The following FER1L6 variants were observed in gnomAD, a reference collection of about 807,000 sequenced individuals.
The protein encoded by FER1L6 is fer-1 like family member 6.
FER1L6 carries 177 observed loss-of-function variants against 219.2 expected under a neutral mutation model. The observed-to-expected ratio is 0.81, with a 90% CI of 0.71 to 0.91. The LOEUF (loss-of-function observed/expected upper bound fraction) is 0.91. Among genes scored for constraint, FER1L6 ranks in the 40% least tolerant of loss-of-function variants. The pLI, the probability that FER1L6 is intolerant of heterozygous loss-of-function variation, is 0.00. For missense variants in FER1L6, 2,153 were observed against 2,259.9 expected (o/e 0.95, Z 0.96); for synonymous variants, 768 against 824.3 (o/e 0.93, Z 1.17).
rs142836482 is a variant in FER1L6, at chr8:123,951,295, C to A, written c.-7-4697C>A. Among the ~76,000 whole-genome samples the A allele has an allele frequency of 2.4e-4, 37 of 152,112 alleles. 1 individual carries two copies. The East Asian group carries it at 6.4e-3, about 26-fold the overall frequency. On this transcript the variant is annotated intron_variant, in intron 1 of 40. Transcript: ENST00000522917. The stretch of plus-strand genomic sequence containing the variant: ...GTGGGGCACAGTTTTAGAAAGCTAC[C>A]CCCATATGGATTAGATGTGTAGCCA...
At chr8:124,097,088 TATATATAC>T (rs68150814) in intron 35 of FER1L6, among the ~76,000 whole-genome samples, 175 bp from the exon 36 acceptor site, 108,121 of 143,332 alleles carry the variant, frequency 0.75, 40,457 homozygotes, top group Non-Finnish European at 0.81. Context: ...TATATATATA[TATATATAC>T]ATACATACAT....
In FER1L6 at chr8:124,070,554, G is replaced by C. The variant is rs750693223; in HGVS notation, c.3922G>C (p.Asp1308His). 6.2e-7 allele frequency: 1 copy of C among 1,610,304 alleles called. No homozygotes were observed. Among genetic ancestry groups the C allele is most frequent in the Admixed American group, 1.7e-5 (1 of 59,098 alleles). ...FELFRGKSTE[D>H]DHGLDGDRVI... Reference sequence around the variant, plus strand: ...GCTCTTCAGAGGCAAGTCTACGGAAGATGACCATGGTCTTGATGGAGACCG... The same window carrying C: ...GCTCTTCAGAGGCAAGTCTACGGAACATGACCATGGTCTTGATGGAGACCG... The change falls in exon 30 of 41, where the codon GAT becomes CAT. Residue 1308 changes from aspartate (D) to histidine (H), a missense_variant. Transcript: ENST00000522917.
intron 1 of FER1L6, among the ~76,000 whole-genome samples, chr8:123,889,595 A>G (rs34793355): frequency 6.6e-6 from 1 of 152,144 alleles, no homozygotes; most frequent in South Asian, 2.1e-4. Flanking sequence ...AGAAATAAGT[A>G]TTAGATACAT....
intron 1 of FER1L6, among the ~76,000 whole-genome samples, chr8:123,953,799 C>A (rs577980195): frequency 3.4e-4 from 52 of 152,328 alleles, no homozygotes; most frequent in African/African-American, 1.2e-3. Flanking sequence ...TTGAACTGCT[C>A]ATGGCAGGGG....
At chr8:123,870,034 A>C (rs975391632) in intron 1 of FER1L6, among the ~76,000 whole-genome samples, 1 of 152,260 alleles carries the variant, frequency 6.6e-6, no homozygotes, top group Non-Finnish European at 1.5e-5. Flanking sequence ...TTGGATGGCA[A>C]GTAAGCATAT....
At chr8:123,933,078 G>A (rs776719276) in intron 1 of FER1L6, among the ~76,000 whole-genome samples, 3 of 152,180 alleles carry the variant, frequency 2.0e-5, no homozygotes, top group Non-Finnish European at 4.4e-5. Flanking sequence ...TGGTGTGTCC[G>A]AGGGTTTCTT....
chr8:124,052,437 G>A (rs1158211020), intron 22 of FER1L6, among the ~76,000 whole-genome samples: 3 of 152,116 alleles, frequency 2.0e-5, no homozygotes, highest in African/African-American at 4.8e-5. Flanking sequence ...ATTTCCCAAA[G>A]TCTACCTCTT....
intron 1 of FER1L6, among the ~76,000 whole-genome samples, chr8:123,951,138 C>G (rs1429659639): frequency 1.3e-5 from 2 of 152,146 alleles, no homozygotes; most frequent in Non-Finnish European, 2.9e-5. Flanking sequence ...CTCATTGGTA[C>G]TGTCTACTTA....
chr8:124,074,757 T>C lies in FER1L6; in HGVS notation c.4093-1441T>C, dbSNP rs188349998. On this transcript the variant is annotated intron_variant, in intron 31 of 40. Coordinates refer to ENST00000522917, the MANE Select transcript of FER1L6 (RefSeq NM_001039112.2). The stretch of plus-strand genomic sequence containing the variant: ...AGGCTGTTTCAGTGCTGTGCAAGTG[T>C]CATACTGTATTTACACAAACCTAGA... 2.0e-5 allele frequency among the ~76,000 whole-genome samples: 3 copies of C among 152,230 alleles called. No homozygotes were observed. In the East Asian group the frequency reaches 5.8e-4, roughly 29 times the overall value.
At chr8:123,956,963 A>C (rs866079082) in intron 2 of FER1L6, among the ~76,000 whole-genome samples, 1 of 152,320 alleles carries the variant, frequency 6.6e-6, no homozygotes, top group South Asian at 2.1e-4. Flanking sequence ...TATTGAATTA[A>C]ATTGGATCAG....
chr8:123,909,220 C>T (rs2129762323), intron 1 of FER1L6, among the ~76,000 whole-genome samples: 1 of 152,086 alleles, frequency 6.6e-6, no homozygotes, highest in Non-Finnish European at 1.5e-5. Flanking sequence ...GAGAAAGCTG[C>T]AAGCCAAGCT....
intron 12 of FER1L6, among the ~76,000 whole-genome samples, chr8:123,987,293 G>A (rs1400802977): frequency 6.6e-6 from 1 of 152,134 alleles, no homozygotes; most frequent in Admixed American, 6.5e-5. Flanking sequence ...CTTTTCATAT[G>A]CTTGTTTGCC....
chr8:123,890,464 TA>T (rs1425557989), intron 1 of FER1L6, among the ~76,000 whole-genome samples: 1 of 151,760 alleles, frequency 6.6e-6, no homozygotes, highest in Non-Finnish European at 1.5e-5. Context: ...ATTGATGTTT[TA>T]AAGTTTTTAT....
intron 5 of FER1L6, among the ~76,000 whole-genome samples, chr8:123,968,917 CA>C (rs1385856139): frequency 6.6e-6 from 1 of 152,120 alleles, no homozygotes; most frequent in Non-Finnish European, 1.5e-5. Context: ...CTCTACAGCT[CA>C]AAAAAGAAAA....
At chr8:123,936,725 T>C (rs2129962919) in intron 1 of FER1L6, among the ~76,000 whole-genome samples, 2 of 152,062 alleles carry the variant, frequency 1.3e-5, no homozygotes, top group Middle Eastern at 3.4e-3. Context: ...CAGACACAAA[T>C]CATCTATCCC....
intron 1 of FER1L6, among the ~76,000 whole-genome samples, chr8:123,893,007 A>G (rs1812679410): frequency 6.6e-6 from 1 of 151,368 alleles, no homozygotes; most frequent in Non-Finnish European, 1.5e-5. Context: ...TAAAATTCTG[A>G]TATGTTTTAA....
intron 1 of FER1L6, among the ~76,000 whole-genome samples, chr8:123,867,856 G>C (rs1239820685): frequency 1.3e-5 from 2 of 152,102 alleles, no homozygotes; most frequent in Non-Finnish European, 1.5e-5. Flanking sequence ...CACCAGTGGG[G>C]TCCACTCTCA....
chr8:123,975,185 G>C lies in FER1L6; in HGVS notation c.562G>C (p.Asp188His). The C allele has an allele frequency of 6.2e-7, 1 of 1,610,846 alleles. No individual in the cohort carries two copies. Among genetic ancestry groups the C allele is most frequent in the East Asian group, 2.2e-5 (1 of 44,784 alleles). The change falls in exon 8 of 41, where the codon GAC becomes CAC. Residue 188 changes from aspartate to histidine, a missense_variant. Coordinates refer to ENST00000522917, the MANE Select transcript of FER1L6 (RefSeq NM_001039112.2). ...CTGCAACAAGTGGGCCCTGCTCACA[G>C]ACCCTGGTGACATCAGGACTGGCAC... ...QFCNKWALLTDPGDIRTGTKG... is the reference protein window; with the variant it reads ...QFCNKWALLTHPGDIRTGTKG...
intron 26 of FER1L6, among the ~76,000 whole-genome samples, chr8:124,065,347 G>GC (rs1820780796): frequency 6.9e-6 from 1 of 144,136 alleles, no homozygotes; most frequent in African/African-American, 2.6e-5. Flanking sequence ...GCTGCAGTGA[G>GC]CCGAGATCAT....
Sources: allele counts gnomAD v4.1 joint callset (sites outside exome capture counted in the v4.1 genomes callset), GRCh38; gene constraint gnomAD v4.1.1; transcripts MANE v1.5; gene names NCBI Gene and HGNC (gene_info 2026-07-23, HGNC 2026-07-21).